The following AHCTF1 variants were observed in gnomAD, a reference collection of about 807,000 sequenced individuals.
The protein encoded by AHCTF1 is AT-hook containing transcription factor 1.
In AHCTF1, 24 loss-of-function variants were observed where a neutral mutation model predicts 248.4. The ratio of observed to expected loss-of-function variants is 0.10; its 90% CI spans 0.07 to 0.14. The LOEUF is 0.14. Among genes scored for constraint, AHCTF1 ranks in the 10% least tolerant of loss-of-function variants. The pLI is 1.00. For missense variants in AHCTF1, 2,206 were observed against 2,636.2 expected (o/e 0.84, Z 3.57); for synonymous variants, 786 against 929.8 (o/e 0.85, Z 2.81).
chr1:246,925,496 T>G (rs1436058541), intron 1 of AHCTF1, among the ~76,000 whole-genome samples: 1 of 152,210 alleles, frequency 6.6e-6, no homozygotes, highest in Non-Finnish European at 1.5e-5. Context: ...GGCTTATGCC[T>G]GTACACCCAG....
chr1:246,894,661 A>C lies in AHCTF1; in HGVS notation c.1802T>G (p.Leu601Arg). The change falls in exon 14 of 36, where the codon CTA becomes CGA. Residue 601 changes from leucine to arginine, a missense_variant and splice_region_variant. This residue lies in a region of AHCTF1 where 650 missense variants were observed against 870.8 expected (regional missense o/e 0.75). Coordinates refer to ENST00000648844, the MANE Select transcript of AHCTF1 (RefSeq NM_001323342.2). The stretch of plus-strand genomic sequence containing the variant: ...ACATCTAGACCTCTAATACTTACAT[A>C]GTCTGTCAAATTCCTCTTTTGTGAG... The part of the protein sequence containing the change: ...VVLTKEEFDR[L>R]CVPLFDGSCH... 4.3e-6 allele frequency: 7 copies of C among 1,611,202 alleles called. No homozygotes were observed. Among genetic ancestry groups the C allele is most frequent in the Non-Finnish European group, 5.9e-6 (7 of 1,178,626 alleles).
Position 246,855,785 on chromosome 1 carries a change from T to G in AHCTF1, c.4299A>C (p.Glu1433Asp). The G allele has an allele frequency of 6.2e-7, 1 of 1,613,620 alleles. No individual in the cohort carries two copies. The highest frequency in any genetic ancestry group is 8.5e-7 in the Non-Finnish European group (1 of 1,179,752). The part of the protein sequence containing the change: ...TQKSKVPVLD[E>D]GLTSVETYTP... ...TGTAGGTTTCAACAGATGTTAATCCTTCGTCCAACACTGGTACCTTGGACT... is the reference window on the plus strand; with the variant it reads ...TGTAGGTTTCAACAGATGTTAATCCGTCGTCCAACACTGGTACCTTGGACT... The change falls in exon 31 of 36, where the codon GAA (glutamate) becomes GAC (aspartate). Residue 1433 changes from glutamate (E) to aspartate (D), a missense_variant. Physicochemically the swap from Glu to Asp is conservative, Grantham distance 45 (BLOSUM62 2). Transcript: ENST00000648844.
At chr1:246,846,976 A>G (rs2103034668) in intron 33 of AHCTF1, among the ~76,000 whole-genome samples, 1 of 152,126 alleles carries the variant, frequency 6.6e-6, no homozygotes, top group East Asian at 1.9e-4. Context: ...GGCTGGTTGG[A>G]TTTTGAAGAA....
At chr1:246,919,233 T>C (rs1400652390) in intron 1 of AHCTF1, among the ~76,000 whole-genome samples, 1 of 152,102 alleles carries the variant, frequency 6.6e-6, no homozygotes, top group Non-Finnish European at 1.5e-5. Flanking sequence ...ACTAATAAGC[T>C]CATCCCTCAA....
At chr1:246,887,672 A>G (rs1663921899) in intron 19 of AHCTF1, among the ~76,000 whole-genome samples, 1 of 152,228 alleles carries the variant, frequency 6.6e-6, no homozygotes, top group Non-Finnish European at 1.5e-5. Flanking sequence ...CTAAAGATCT[A>G]GCAAAAGATG....
At chr1:246,894,779 A>C (rs1664450351) in intron 13 of AHCTF1, 31 bp from the exon 14 acceptor site, 3 of 1,567,774 alleles carry the variant, frequency 1.9e-6, no homozygotes, top group Non-Finnish European at 2.6e-6. Context: ...GGAAAAAATA[A>C]AGATTATTAA....
At chr1:246,887,155 A>G (rs1417534704) in intron 20 of AHCTF1, 56 bp downstream of exon 20, 1 of 1,536,026 alleles carries the variant, frequency 6.5e-7, no homozygotes. Flanking sequence ...AATTATGTGT[A>G]TTTTCTAAAA....
chr1:246,848,213 A>T (rs1488325899), intron 33 of AHCTF1, among the ~76,000 whole-genome samples: 6 of 152,024 alleles, frequency 3.9e-5, no homozygotes, highest in Non-Finnish European at 7.4e-5. Context: ...TATCAGTACA[A>T]CAAGTCATCT....
In AHCTF1 at chr1:246,850,113, A is replaced by G; in HGVS notation, c.5893T>C (p.Phe1965Leu). 3 of 1,613,950 alleles carry G rather than the reference A, an allele frequency of 1.9e-6. No homozygotes were observed. Among genetic ancestry groups the G allele is most frequent in the Non-Finnish European group, 2.5e-6 (3 of 1,179,870 alleles). ...TTTCTAGGTATGGCAGACATATCAA[A>G]TTCTGCTTGAACAGTCAACTGAGAT... ...ESSQLTVQAEFDMSAIPRKRG... is the reference protein window; with the variant it reads ...ESSQLTVQAELDMSAIPRKRG... The change falls in exon 33 of 36, where the codon TTT becomes CTT. Residue 1965 changes from phenylalanine to leucine, a missense_variant. By Grantham distance (22) the Phe-to-Leu change is conservative. Transcript: ENST00000648844.
At chr1:246,855,649 TTATTTTGTTC>T (rs1337082057) in intron 31 of AHCTF1, 71 bp downstream of exon 31, 1 of 1,095,402 alleles carries the variant, frequency 9.1e-7, no homozygotes, top group Admixed American at 2.1e-5. Flanking sequence ...ACACAATAGA[TTATTTTGTTC>T]TAAGAACAGA....
chr1:246,931,317 TCCG>T, intron 1 of AHCTF1: 1 of 1,545,844 alleles, frequency 6.5e-7, no homozygotes, highest in Non-Finnish European at 8.7e-7. Context: ...CCAGCGCCGC[TCCG>T]CCGCCATGTG....
At chr1:246,893,063 A>AACTACC (rs1664329627) in intron 14 of AHCTF1, among the ~76,000 whole-genome samples, 1 of 152,222 alleles carries the variant, frequency 6.6e-6, no homozygotes, top group Admixed American at 6.5e-5. Context: ...GCAACAGCTG[A>AACTACC]ACTACCAAGT....
intron 32 of AHCTF1, among the ~76,000 whole-genome samples, chr1:246,852,503 TAA>T (rs1035865082): frequency 5.3e-5 from 8 of 152,050 alleles, no homozygotes; most frequent in Non-Finnish European, 1.2e-4. Flanking sequence ...TTAAAAAAAC[TAA>T]GTCTTATTAA....
At chr1:246,901,738 A>G (rs1043324256) in intron 8 of AHCTF1, among the ~76,000 whole-genome samples, 3 of 152,194 alleles carry the variant, frequency 2.0e-5, no homozygotes, top group African/African-American at 4.8e-5. Flanking sequence ...GAATTGGTTG[A>G]GCCCAGAAGG....
intron 29 of AHCTF1, among the ~76,000 whole-genome samples, chr1:246,859,503 T>C (rs1661364312): frequency 6.6e-6 from 1 of 152,214 alleles, no homozygotes; most frequent in Non-Finnish European, 1.5e-5. Context: ...ACACCTAGAA[T>C]AAACACAGTA....
rs747883397 is a variant in AHCTF1 at position 246,862,186 on chromosome 1, A to T, written c.3541-33T>A. 3.8e-6 allele frequency: 6 copies of T among 1,561,794 alleles called. No individual in the cohort carries two copies. In the South Asian group the frequency reaches 4.7e-5, roughly 12 times the overall value. On this transcript the variant is annotated intron_variant, in intron 27 of 35. Transcript: ENST00000648844. Reference sequence around the variant, plus strand: ...AAAGAGCAAATGGAATTACACCATTAAAAGTGCTTATAGGCCGGGCGCGGT... The same window carrying T: ...AAAGAGCAAATGGAATTACACCATTTAAAGTGCTTATAGGCCGGGCGCGGT...
In AHCTF1 at chr1:246,918,365, T is replaced by G; in HGVS notation, c.6A>C (p.Arg2=). 2 of 1,610,402 alleles carry G rather than the reference T, an allele frequency of 1.2e-6. No homozygotes were observed. Among genetic ancestry groups the G allele is most frequent in the Non-Finnish European group, 1.7e-6 (2 of 1,178,306 alleles). Residue 2 remains arginine, a synonymous_variant, in exon 2 of 36, where the codon CGA becomes CGC. Coordinates refer to ENST00000648844, the MANE Select transcript of AHCTF1 (RefSeq NM_001323342.2). M[R]DLRAQVTSGL... ...CACTAGTCACTTGAGCTCTTAAGTCTCGCATACTTCCACTGTAAATATTTT... is the reference window on the plus strand; with the variant it reads ...CACTAGTCACTTGAGCTCTTAAGTCGCGCATACTTCCACTGTAAATATTTT...
Position 246,922,815 on chromosome 1 carries a change from T to C in AHCTF1, c.-7-4438A>G, listed in dbSNP as rs1191148509. Among the ~76,000 whole-genome samples, 2 of 150,384 alleles carry C rather than the reference T, an allele frequency of 1.3e-5. 1 individual carries two copies. On this transcript the variant is annotated intron_variant, in intron 1 of 35. Coordinates refer to ENST00000648844, the MANE Select transcript of AHCTF1 (RefSeq NM_001323342.2). ...GGATAACACGGTGAAACCCTGTCTC[T>C]ACTAAAAATACAAAAAAAATAGCCG...
At chr1:246,897,894 G>A (rs1487703693) in intron 12 of AHCTF1, among the ~76,000 whole-genome samples, 1 of 80,616 alleles carries the variant, frequency 1.2e-5, no homozygotes, top group Non-Finnish European at 2.6e-5. Flanking sequence ...TGGGAAGATC[G>A]CTTAAGCCCA....
Sources: gnomAD v4.1 joint callset for allele counts (sites outside exome capture counted in the v4.1 genomes callset) on GRCh38, gnomAD v4.1.1 for gene constraint, gnomAD v4.1.1 regional missense constraint, MANE v1.5 for transcripts, NCBI Gene and HGNC (gene_info 2026-07-23, HGNC 2026-07-21) for gene names.